The following ADRA1B variants were observed in gnomAD, a reference collection of about 807,000 sequenced individuals.
The protein encoded by ADRA1B is adrenoceptor alpha 1B, also known as alpha-1B adrenergic receptor.
ADRA1B carries 17 observed loss-of-function variants against 17.9 expected under a neutral mutation model. That is an observed-to-expected ratio of 0.95 (90% CI 0.65 to 1.42). ADRA1B has a LOEUF of 1.42. Among genes scored for constraint, ADRA1B ranks in the 40% most tolerant of loss-of-function variants. The pLI is 0.00. For synonymous variants in ADRA1B, 366 were observed against 327.6 expected, an observed-to-expected ratio of 1.12 and a Z score of -1.27; for missense variants, 681 against 722.1, an observed-to-expected ratio of 0.94 and a Z score of 0.65.
At chr5:159,892,549 C>T (rs945599381) in intron 1 of ADRA1B, among the ~76,000 whole-genome samples, 2 of 152,160 alleles carry the variant, frequency 1.3e-5, no homozygotes, top group African/African-American at 4.8e-5. Context: ...GTGTTCTCAT[C>T]ATTCAGCTCC....
At chr5:159,885,102 G>A (rs1753909520) in intron 1 of ADRA1B, among the ~76,000 whole-genome samples, 1 of 152,148 alleles carries the variant, frequency 6.6e-6, no homozygotes, top group Non-Finnish European at 1.5e-5. Flanking sequence ...AATTAGCCCA[G>A]CCCACACTGA....
intron 1 of ADRA1B, among the ~76,000 whole-genome samples, chr5:159,879,501 C>T (rs1753834052): frequency 1.3e-5 from 2 of 152,190 alleles, no homozygotes; most frequent in Non-Finnish European, 1.5e-5. Context: ...CTGAATCCTG[C>T]CCTTCATCCT....
At chr5:159,868,887 C>T (rs1466125271) in intron 1 of ADRA1B, 1 of 152,122 alleles carries the variant, frequency 6.6e-6, no homozygotes, top group Non-Finnish European at 1.5e-5. Flanking sequence ...CATGGGAGAT[C>T]ATAGGAAGAA....
intron 1 of ADRA1B, among the ~76,000 whole-genome samples, chr5:159,874,842 G>T (rs922437282): frequency 2.0e-5 from 3 of 152,140 alleles, no homozygotes; most frequent in African/African-American, 7.2e-5. Flanking sequence ...AGAGGGCCCC[G>T]TTTGAATTTA....
intron 1 of ADRA1B, among the ~76,000 whole-genome samples, chr5:159,941,916 TTTC>T (rs1755139048): frequency 7.2e-6 from 1 of 139,154 alleles, no homozygotes; most frequent in South Asian, 2.2e-4. Context: ...GGGTACTGGG[TTTC>T]TTTTTTTTTT....
At position 159,896,408 on chromosome 5, in the gene ADRA1B, C is replaced by G. The variant is rs187761420; in HGVS notation, c.-255-19711C>G. ...TGGGGAACATGCTTCCATGAGTGTG[C>G]TTGCTATAATTCCCAGTTCTTGTGT... On this transcript the variant is annotated intron_variant, in intron 1 of 2. Coordinates refer to the ADRA1B transcript ENST00000641205. 2.2e-3 allele frequency among the ~76,000 whole-genome samples: 342 copies of G among 152,300 alleles called. 2 individuals carry two copies. Among genetic ancestry groups the G allele is most frequent in the African/African-American group, 7.9e-3 (327 of 41,556 alleles).
chr5:159,873,100 T>G (rs930390102), intron 1 of ADRA1B, among the ~76,000 whole-genome samples: 3 of 152,222 alleles, frequency 2.0e-5, no homozygotes, highest in Non-Finnish European at 2.9e-5. Context: ...GCAAAGGACA[T>G]GAATTCATTC....
chr5:159,919,307 G>T (rs1474667630), intron 1 of ADRA1B, among the ~76,000 whole-genome samples: 1 of 152,156 alleles, frequency 6.6e-6, no homozygotes, highest in Admixed American at 6.5e-5. Flanking sequence ...AGGTCTCAGG[G>T]TTCTTTTGCA....
At chr5:159,893,634 A>T (rs1277854582) in intron 1 of ADRA1B, among the ~76,000 whole-genome samples, 1 of 152,234 alleles carries the variant, frequency 6.6e-6, no homozygotes, top group African/African-American at 2.4e-5. Flanking sequence ...TCATTTGTTC[A>T]GTCATTCAGT....
Position 159,917,246 on chromosome 5 carries a change from G to A in ADRA1B, c.341G>A (p.Gly114Glu). 6.2e-7 allele frequency: 1 copy of A among 1,614,150 alleles called. No individual in the cohort carries two copies. Among genetic ancestry groups the A allele is most frequent in the Non-Finnish European group, 8.5e-7 (1 of 1,180,038 alleles). ...GAGGTGCTCGGCTACTGGGTGCTGG[G>A]GCGGATCTTCTGTGACATCTGGGCA... is the stretch of plus-strand genomic sequence containing the variant. ...ALEVLGYWVL[G>E]RIFCDIWAAV... The change falls in exon 1 of 2, where the codon GGG (glycine) becomes GAG (glutamate). Residue 114 changes from glycine (G) to glutamate (E), a missense_variant. Physicochemically the swap from Gly to Glu is moderately conservative, Grantham distance 98. This residue lies in a region of ADRA1B where 424 missense variants were observed against 480.2 expected (regional missense o/e 0.88). Coordinates refer to ENST00000306675, the MANE Select transcript of ADRA1B (RefSeq NM_000679.4).
intron 1 of ADRA1B, chr5:159,929,215 A>G (rs974695216): frequency 2.6e-5 from 4 of 152,230 alleles, no homozygotes; most frequent in African/African-American, 9.6e-5. Context: ...AAAGTCCTTT[A>G]ACATATTAAA....
chr5:159,942,459 C>T (rs1407018755), intron 1 of ADRA1B, among the ~76,000 whole-genome samples: 4 of 152,190 alleles, frequency 2.6e-5, no homozygotes, highest in African/African-American at 9.6e-5. Context: ...CACATTCATA[C>T]AGTGGACTGT....
Position 159,957,929 on chromosome 5 carries a change from CAAAAAAA to C in ADRA1B, c.950-13933_950-13927del, listed in dbSNP as rs35956137. ...GGGCAACAAGAGCAAAACCCCATCT[CAAAAAAA>C]AAAAAAAAAAAAAAAAGAAAAGAAA... On this transcript the variant is annotated intron_variant, in intron 1 of 1. Transcript: ENST00000306675. Among the ~76,000 whole-genome samples the C allele has an allele frequency of 1.5e-3, 99 of 66,866 alleles. 3 individuals carry two copies. The South Asian group carries it at 0.039, about 26-fold the overall frequency. 43.9% of individuals were successfully genotyped at this position (66,866 alleles called of 152,430 possible). A position where few individuals can be genotyped will look rare whatever the true frequency, so the allele number is the denominator to read the frequency against.
downstream of ADRA1B, among the ~76,000 whole-genome samples, chr5:159,974,938 A>G (rs1039501239): frequency 6.6e-6 from 1 of 152,158 alleles, no homozygotes. Flanking sequence ...CTCTTTGTCC[A>G]GTACCTTTTA....
chr5:159,987,424 C>T, the ADRA1B span, among the ~76,000 whole-genome samples: 12 of 152,352 alleles, frequency 7.9e-5, no homozygotes, highest in African/African-American at 2.9e-4. Flanking sequence ...ATCCTTCCTC[C>T]TTACGTGCAG....
intron 1 of ADRA1B, among the ~76,000 whole-genome samples, chr5:159,921,929 T>G (rs1754492920): frequency 6.6e-6 from 1 of 152,132 alleles, no homozygotes; most frequent in Non-Finnish European, 1.5e-5. Flanking sequence ...GGGATTTGAG[T>G]TGCCCACAAA....
the ADRA1B span, among the ~76,000 whole-genome samples, chr5:159,986,976 A>G: frequency 1.3e-5 from 2 of 152,008 alleles, no homozygotes; most frequent in African/African-American, 2.4e-5. Flanking sequence ...TGTAACTTCT[A>G]CCTGCCCTCT....
chr5:159,924,204 T>C lies in ADRA1B; in HGVS notation c.949+6350T>C, dbSNP rs552623121. On this transcript the variant is annotated intron_variant, in intron 1 of 1. Transcript: ENST00000306675. ...AAATGATTCTTTTTCTTCTAAAGAC[T>C]GTCTTTTCTATTTGGGGACACTGAA... 4.7e-5 allele frequency among the ~76,000 whole-genome samples: 7 copies of C among 149,266 alleles called. No individual in the cohort carries two copies. In the South Asian group the frequency reaches 1.5e-3, roughly 32 times the overall value.
At chr5:159,913,573 C>T (rs1193076201), upstream of ADRA1B, among the ~76,000 whole-genome samples, 3 of 152,232 alleles carry the variant, frequency 2.0e-5, no homozygotes, top group African/African-American at 7.2e-5. Context: ...CATCCTGACA[C>T]CTGAATCAAG....
Sources: allele counts gnomAD v4.1 joint callset (sites outside exome capture counted in the v4.1 genomes callset), GRCh38; gene constraint gnomAD v4.1.1; regional missense constraint gnomAD v4.1.1; transcripts MANE v1.5; gene names NCBI Gene and HGNC (gene_info 2026-07-23, HGNC 2026-07-21).